PEX7: variants seen among roughly 807,000 people sequenced by gnomAD.
The protein encoded by PEX7 is peroxisomal biogenesis factor 7.
Under a neutral mutation model 47.5 loss-of-function variants are expected in PEX7, and 34 were observed. That is an observed-to-expected ratio of 0.72 (90% confidence interval 0.54 to 0.95). The LOEUF is 0.95. Ranked by LOEUF, PEX7 falls within the 40% of genes least tolerant of loss-of-function variation. The pLI is 0.00. For synonymous variants in PEX7, 141 were observed against 148.8 expected (o/e 0.95, Z 0.38); for missense variants, 394 against 400.3 (o/e 0.98, Z 0.13).
At chr6:136,856,898 T>C (rs1774871663) in intron 5 of PEX7, among the ~76,000 whole-genome samples, 1 of 151,912 alleles carries the variant, frequency 6.6e-6, no homozygotes, top group Admixed American at 6.5e-5. Flanking sequence ...AAACTTTCCT[T>C]GTGAAATGGA....
intron 8 of PEX7, among the ~76,000 whole-genome samples, chr6:136,882,692 G>T (rs144501537): frequency 6.6e-6 from 1 of 151,882 alleles, no homozygotes; most frequent in Admixed American, 6.6e-5. Flanking sequence ...TTGATCCCTC[G>T]TACTTGTTTT....
At chr6:136,888,392 A>G (rs1054655863) in intron 8 of PEX7, among the ~76,000 whole-genome samples, 1 of 152,188 alleles carries the variant, frequency 6.6e-6, no homozygotes, top group African/African-American at 2.4e-5. Flanking sequence ...TAGGATGATC[A>G]GAGATTTTCA....
intron 8 of PEX7, among the ~76,000 whole-genome samples, chr6:136,895,956 T>C (rs1361796351): frequency 2.0e-5 from 3 of 152,206 alleles, no homozygotes; most frequent in African/African-American, 7.2e-5. Flanking sequence ...ACCCATTAGC[T>C]GTATATTAGA....
intron 5 of PEX7, among the ~76,000 whole-genome samples, chr6:136,862,998 T>G (rs1348817695): frequency 3.9e-5 from 6 of 152,322 alleles, no homozygotes; most frequent in African/African-American, 1.4e-4. Context: ...GATCATTTCA[T>G]CAAAGCTATT....
rs1775729682 is a variant in PEX7 at position 136,900,199 on chromosome 6, CT to C, written c.903+1960del. ...TAAAAGCAACTTTGTGATGAGAGGA[CT>C]TAATCAGAGGACATACATCCCTAAG... On this transcript the variant is annotated intron_variant, in intron 9 of 9. Transcript: ENST00000318471. This position sits in a 1 kb window ranked among gnomAD's most constrained non-coding sequence, Gnocchi z 4.2. The C allele has an allele frequency of 6.3e-6, 1 of 159,678 alleles. No homozygotes were observed. Among genetic ancestry groups the C allele is most frequent in the Non-Finnish European group, 1.4e-5 (1 of 73,588 alleles). 9.9% of individuals were successfully genotyped at this position (159,678 alleles called of 1,614,324 possible).
chr6:136,898,206 T>G lies in PEX7; in HGVS notation c.868T>G (p.Cys290Gly). Residue 290 changes from cysteine to glycine, a missense_variant, in exon 9 of 10, where the codon TGT becomes GGT. Coordinates refer to ENST00000318471, the MANE Select transcript of PEX7 (RefSeq NM_000288.4). ...AGTGGAGCATCATACAGAGTTTACT[T>G]GTGGTTTAGACTTCAGTCTTCAGAG... ...ETVEHHTEFT[C>G]GLDFSLQSPT... The G allele has an allele frequency of 6.2e-7, 1 of 1,612,084 alleles. No individual in the cohort carries two copies. The highest frequency in any genetic ancestry group is 8.5e-7 in the Non-Finnish European group (1 of 1,178,194).
chr6:136,828,781 T>A (rs910527169), intron 3 of PEX7, among the ~76,000 whole-genome samples: 3 of 152,224 alleles, frequency 2.0e-5, no homozygotes, highest in Admixed American at 2.0e-4. Flanking sequence ...TAATATTACC[T>A]AAAGTGGCTA....
chr6:136,846,439 A>G (rs959461709), intron 5 of PEX7, among the ~76,000 whole-genome samples: 3 of 151,870 alleles, frequency 2.0e-5, no homozygotes, highest in Non-Finnish European at 2.9e-5. Context: ...GGTGTGCTGC[A>G]CCCATTAACT....
At chr6:136,830,090 G>GTA in intron 3 of PEX7, 6 of 702,392 alleles carry the variant, frequency 8.5e-6, no homozygotes, top group Non-Finnish European at 1.3e-5. Context: ...TAATAAAGAC[G>GTA]TATAGCATGG....
chr6:136,857,926 A>G (rs1738421701), intron 5 of PEX7, among the ~76,000 whole-genome samples: 1 of 152,100 alleles, frequency 6.6e-6, no homozygotes, highest in South Asian at 2.1e-4. Context: ...GGCTCAAACA[A>G]TCCTCCCACC....
At chr6:136,894,905 C>G (rs982879153) in intron 8 of PEX7, among the ~76,000 whole-genome samples, 2 of 152,108 alleles carry the variant, frequency 1.3e-5, no homozygotes, top group African/African-American at 2.4e-5. Context: ...AATAATGTGC[C>G]TTATTTGACC....
intron 1 of PEX7, chr6:136,823,148 C>T (rs999968374): frequency 2.0e-6 from 2 of 985,244 alleles, no homozygotes; most frequent in African/African-American, 1.7e-5. Flanking sequence ...TGGATCGGTC[C>T]GCTCGGCACA....
intron 7 of PEX7, among the ~76,000 whole-genome samples, chr6:136,871,513 C>G (rs1775181321): frequency 6.6e-6 from 1 of 152,054 alleles, no homozygotes; most frequent in African/African-American, 2.4e-5. Flanking sequence ...CTCTTATATA[C>G]TTAAATCCCT....
intron 8 of PEX7, among the ~76,000 whole-genome samples, chr6:136,880,703 G>C (rs1367439706): frequency 6.6e-6 from 1 of 152,212 alleles, no homozygotes; most frequent in Non-Finnish European, 1.5e-5. Flanking sequence ...TCATTGCCTA[G>C]ACTCTCCTCT....
intron 5 of PEX7, among the ~76,000 whole-genome samples, chr6:136,864,407 A>G (rs1775022034): frequency 6.6e-6 from 1 of 152,142 alleles, no homozygotes; most frequent in Non-Finnish European, 1.5e-5. Context: ...TTTCAGCCTT[A>G]CAAGGCAGTT....
intron 3 of PEX7, among the ~76,000 whole-genome samples, chr6:136,839,559 A>G (rs1207076602): frequency 6.6e-6 from 1 of 152,170 alleles, no homozygotes; most frequent in African/African-American, 2.4e-5. Flanking sequence ...TTAATCAGAT[A>G]GGCCTCTAGA....
intron 6 of PEX7, among the ~76,000 whole-genome samples, chr6:136,869,563 T>A (rs748151394): frequency 6.6e-6 from 1 of 152,184 alleles, no homozygotes; most frequent in Non-Finnish European, 1.5e-5. Flanking sequence ...AGATAAAATT[T>A]TTAATCCCCT....
At chr6:136,909,085 A>G (rs1011757478) in intron 9 of PEX7, among the ~76,000 whole-genome samples, 5 of 152,200 alleles carry the variant, frequency 3.3e-5, no homozygotes, top group Non-Finnish European at 7.3e-5. Flanking sequence ...TACAATCAAG[A>G]TCTGTGGAGC....
Position 136,913,451 on chromosome 6 carries a change from T to A in PEX7, c.904-7T>A. On this transcript the variant is annotated splice_polypyrimidine_tract_variant and splice_region_variant and intron_variant, in intron 9 of 9. Transcript: ENST00000318471. ...ACGTTTCTTCTTACTTCATTTTTGT[T>A]TTCTAGGTGGCTGACTGTTCTTGGG... The A allele has an allele frequency of 6.2e-7, 1 of 1,606,636 alleles. No homozygotes were observed. The highest frequency in any genetic ancestry group is 8.5e-7 in the Non-Finnish European group (1 of 1,173,690).
Sources: gnomAD v4.1 joint callset for allele counts (sites outside exome capture counted in the v4.1 genomes callset) on GRCh38, gnomAD v4.1.1 for gene constraint, Gnocchi (gnomAD v3.1) non-coding constraint, MANE v1.5 for transcripts, NCBI Gene and HGNC (gene_info 2026-07-23, HGNC 2026-07-21) for gene names.